The following ERC1 variants were observed in gnomAD, a reference collection of about 807,000 sequenced individuals.
ERC1 encodes the protein RAB6 interacting protein 2.
ERC1 carries 56 observed loss-of-function variants against 132.0 expected under a neutral mutation model. The ratio of observed to expected loss-of-function variants is 0.42; its 90% CI spans 0.34 to 0.53. ERC1 has a LOEUF of 0.53. ERC1 is among the 20% of genes least tolerant of loss of function. ERC1 has a pLI of 0.03. For synonymous variants in ERC1, 478 were observed against 476.1 expected (o/e 1.00, Z -0.05); for missense variants, 1,202 against 1,349.9 (o/e 0.89, Z 1.72).
chr12:1,276,387 G>A (rs1206734657), intron 14 of ERC1, among the ~76,000 whole-genome samples: 2 of 151,736 alleles, frequency 1.3e-5, no homozygotes, highest in Non-Finnish European at 1.5e-5. Flanking sequence ...ACAGGCGCCC[G>A]CCACCATGCC....
intron 17 of ERC1, among the ~76,000 whole-genome samples, chr12:1,433,603 A>C (rs187966132): frequency 4.9e-4 from 74 of 152,288 alleles, no homozygotes; most frequent in Non-Finnish European, 9.7e-4. Flanking sequence ...ATGGTTTGCT[A>C]GCTGGAGGCT....
chr12:1,078,481 GC>G (rs1941689580), intron 2 of ERC1, among the ~76,000 whole-genome samples: 1 of 148,302 alleles, frequency 6.7e-6, no homozygotes, highest in Non-Finnish European at 1.5e-5. Context: ...AAATAGCAGT[GC>G]TTTTCAAGTG....
intron 18 of ERC1, among the ~76,000 whole-genome samples, chr12:1,484,271 C>T (rs558833295): frequency 6.6e-5 from 10 of 151,228 alleles, no homozygotes; most frequent in Non-Finnish European, 1.2e-4. Context: ...CACCACTGCA[C>T]TCCAGCCTGG....
At chr12:997,671 A>G (rs1961214047) in intron 1 of ERC1, among the ~76,000 whole-genome samples, 1 of 152,152 alleles carries the variant, frequency 6.6e-6, no homozygotes, top group Admixed American at 6.5e-5. Context: ...GAGGTTGAAG[A>G]CTGTGCTGCT....
intron 2 of ERC1, among the ~76,000 whole-genome samples, chr12:1,050,865 C>T (rs1343808879): frequency 3.3e-5 from 5 of 152,094 alleles, no homozygotes; most frequent in Admixed American, 1.3e-4. Flanking sequence ...ATTAGCTGAG[C>T]GTGGTGGCGC....
intron 6 of ERC1, among the ~76,000 whole-genome samples, chr12:1,115,317 A>C (rs2154210335): frequency 6.6e-6 from 1 of 152,370 alleles, no homozygotes; most frequent in South Asian, 2.1e-4. Flanking sequence ...TATAACATTA[A>C]AAGTGGCTTT....
chr12:1,387,158 G>A (rs932316136), intron 16 of ERC1, among the ~76,000 whole-genome samples: 7 of 151,946 alleles, frequency 4.6e-5, no homozygotes, highest in African/African-American at 1.7e-4. Flanking sequence ...TTGACAGATG[G>A]AGAAGATGGA....
At chr12:1,360,079 TCTC>T (rs2085941202) in intron 15 of ERC1, among the ~76,000 whole-genome samples, 1 of 152,202 alleles carries the variant, frequency 6.6e-6, no homozygotes, top group Admixed American at 6.5e-5. Flanking sequence ...GGTACTCCCT[TCTC>T]CTCTGGCATC....
rs557404168 is a variant in ERC1, at chr12:1,197,223, C to T, written c.2351+7171C>T. Reference sequence around the variant, plus strand: ...CTCGAACTCCTGGCCTCAAGTGATCCGCCTGCCTTGGCCTCCCAAAGTGCT... The same window carrying T: ...CTCGAACTCCTGGCCTCAAGTGATCTGCCTGCCTTGGCCTCCCAAAGTGCT... On this transcript the variant is annotated intron_variant, in intron 12 of 18. Transcript: ENST00000360905. Among the ~76,000 whole-genome samples, 8 of 151,268 alleles carry T rather than the reference C, an allele frequency of 5.3e-5. No individual in the cohort carries two copies. In the East Asian group the frequency reaches 5.9e-4, roughly 11 times the overall value.
At chr12:1,053,518 G>A (rs1047077756) in intron 2 of ERC1, among the ~76,000 whole-genome samples, 2 of 152,118 alleles carry the variant, frequency 1.3e-5, no homozygotes, top group African/African-American at 2.4e-5. Flanking sequence ...ACCATTCTTC[G>A]AAGCAAGGGC....
At chr12:1,438,498 C>G (rs938663028) in intron 17 of ERC1, among the ~76,000 whole-genome samples, 2 of 152,206 alleles carry the variant, frequency 1.3e-5, no homozygotes, top group Non-Finnish European at 2.9e-5. Context: ...ACAGTTGAAC[C>G]TGCCTCTGAA....
intron 17 of ERC1, among the ~76,000 whole-genome samples, chr12:1,424,114 T>C (rs1479954009): frequency 6.6e-6 from 1 of 152,168 alleles, no homozygotes; most frequent in African/African-American, 2.4e-5. Context: ...GTGGATAAAA[T>C]AGTACTCACT....
intron 14 of ERC1, among the ~76,000 whole-genome samples, chr12:1,264,966 A>G (rs963104463): frequency 6.6e-6 from 1 of 152,198 alleles, no homozygotes; most frequent in African/African-American, 2.4e-5. Context: ...TGTGTCAAGT[A>G]TAGAAAAAAA....
intron 15 of ERC1, among the ~76,000 whole-genome samples, chr12:1,355,398 G>A (rs1034665564): frequency 1.3e-5 from 2 of 152,028 alleles, no homozygotes; most frequent in Non-Finnish European, 2.9e-5. Context: ...GACCATGAGT[G>A]GCAGTAGCTT....
chr12:1,069,609 C>T (rs1939950519), intron 2 of ERC1, among the ~76,000 whole-genome samples: 1 of 152,128 alleles, frequency 6.6e-6, no homozygotes, highest in Non-Finnish European at 1.5e-5. Flanking sequence ...CAATCCTTAT[C>T]TCCAGAATAC....
intron 1 of ERC1, among the ~76,000 whole-genome samples, chr12:1,010,530 CAGAG>C (rs1335088446): frequency 4.0e-5 from 5 of 126,568 alleles, no homozygotes; most frequent in Admixed American, 1.6e-4. Context: ...TTTTTTTTGA[CAGAG>C]AGTTTCATTC....
intron 16 of ERC1, among the ~76,000 whole-genome samples, chr12:1,375,207 C>T (rs558677106): frequency 7.9e-5 from 12 of 152,250 alleles, no homozygotes; most frequent in South Asian, 6.2e-4. Flanking sequence ...GGGGAGGCCT[C>T]GGGAAACTTA....
At chr12:1,101,614 A>G (rs567483984) in intron 3 of ERC1, among the ~76,000 whole-genome samples, 1 of 152,362 alleles carries the variant, frequency 6.6e-6, no homozygotes, top group African/African-American at 2.4e-5. Context: ...AAGGCTGGGC[A>G]ACAAGTATGT....
intron 2 of ERC1, among the ~76,000 whole-genome samples, chr12:1,044,296 G>T (rs1171987441): frequency 1.3e-5 from 2 of 152,152 alleles, no homozygotes; most frequent in Non-Finnish European, 2.9e-5. Flanking sequence ...GTTTTTGTCA[G>T]TTATCCTAGT....
Sources: allele counts gnomAD v4.1 joint callset (sites outside exome capture counted in the v4.1 genomes callset), GRCh38; gene constraint gnomAD v4.1.1; transcripts MANE v1.5; gene names NCBI Gene and HGNC (gene_info 2026-07-23, HGNC 2026-07-21).